The following TECPR1 variants were observed in gnomAD, a reference collection of about 807,000 sequenced individuals.
The protein encoded by TECPR1 is tectonin beta-propeller repeat containing 1, also known as tectonin beta-propeller repeat-containing protein 1.
A neutral mutation model predicts 162.4 loss-of-function variants in TECPR1; 122 were observed. The observed-to-expected ratio is 0.75, with a 90% confidence interval of 0.65 to 0.87. TECPR1 has a LOEUF of 0.87. Among genes scored for constraint, TECPR1 ranks in the 40% least tolerant of loss-of-function variants. The pLI, the probability that TECPR1 is intolerant of heterozygous loss-of-function variation, is 0.00. For missense variants in TECPR1, 1,432 were observed against 1,618.2 expected (o/e 0.88, Z 1.97); for synonymous variants, 642 against 670.6 (o/e 0.96, Z 0.66).
chr7:98,249,911 C>T (rs1202681086), intron 2 of TECPR1, among the ~76,000 whole-genome samples: 2 of 151,328 alleles, frequency 1.3e-5, no homozygotes, highest in Non-Finnish European at 2.9e-5. Context: ...CAGCAAGACT[C>T]CATCTCAAAA....
intron 16 of TECPR1, 58 bp downstream of exon 16, chr7:98,228,981 G>T: frequency 6.4e-7 from 1 of 1,561,068 alleles, no homozygotes; most frequent in East Asian, 2.3e-5. Flanking sequence ...GAACCCAGAC[G>T]GGGACTAGAG....
At position 98,240,220 on chromosome 7, in the gene TECPR1, C is replaced by A. The variant is rs903806523; in HGVS notation, c.933+631G>T. On this transcript the variant is annotated intron_variant, in intron 8 of 25. Coordinates refer to ENST00000447648, the MANE Select transcript of TECPR1 (RefSeq NM_015395.3). ...AAGCAGTGACTAGAGGATGGGGAGG[C>A]GCTTGGTTAATCAAGGGCTTCAGGA... is the stretch of plus-strand genomic sequence containing the variant. Among the ~76,000 whole-genome samples the A allele has an allele frequency of 3.3e-5, 5 of 152,078 alleles. No homozygotes were observed. In the East Asian group the frequency reaches 9.6e-4, roughly 29 times the overall value.
chr7:98,245,795 A>C, intron 3 of TECPR1, 127 bp downstream of exon 3: 1 of 874,784 alleles, frequency 1.1e-6, no homozygotes, highest in Non-Finnish European at 1.8e-6. Context: ...TTTAAGTACA[A>C]GGAAGGAAAT....
rs771930788 is a variant in TECPR1 at position 98,229,021 on chromosome 7, G to C, written c.2410+18C>G. On this transcript the variant is annotated intron_variant, in intron 16 of 25. Coordinates refer to ENST00000447648, the MANE Select transcript of TECPR1 (RefSeq NM_015395.3). The stretch of plus-strand genomic sequence containing the variant: ...GAACGCCCAGGAAGGCTCCGGGGGG[G>C]CTGTGGGCCGCCCTCACCTTGGAAG... 1.1e-4 allele frequency: 175 copies of C among 1,597,920 alleles called. No homozygotes were observed. The highest frequency in any genetic ancestry group is 1.5e-4 in the Non-Finnish European group (172 of 1,172,144).
intron 11 of TECPR1, 195 bp downstream of exon 11, chr7:98,233,220 TTCCAGG>T (rs904788431): frequency 1.3e-5 from 11 of 839,342 alleles, no homozygotes; most frequent in African/African-American, 3.5e-5. Flanking sequence ...GCCACCGTGC[TTCCAGG>T]TCCTGACAGC....
At position 98,217,727 on chromosome 7, in the gene TECPR1, C is replaced by T. The variant is rs376435004; in HGVS notation, c.3349G>A (p.Glu1117Lys). 2.1e-5 allele frequency: 33 copies of T among 1,549,586 alleles called. No individual in the cohort carries two copies. The African/African-American group carries it at 2.5e-4, about 12-fold the overall frequency. Residue 1117 changes from glutamate (E) to lysine (K), a missense_variant, in exon 25 of 26, where the codon GAG becomes AAG. Physicochemically the swap from Glu to Lys is moderately conservative, Grantham distance 56. Transcript: ENST00000447648. ...VCHRTGVQPH[E>K]PKGHGWDYGI... is the part of the protein sequence containing the mutation. ...TAGTCCCAGCCGTGGCCCTTGGGCT[C>T]GTGAGGCTGCACGCCGGTGCGATGA...
Position 98,215,299 on chromosome 7 carries a change from G to A in TECPR1, c.*2091C>T, listed in dbSNP as rs543631836. The A allele has an allele frequency of 1.3e-5, 2 of 152,264 alleles. No homozygotes were observed. The highest frequency in any genetic ancestry group is 1.3e-4 in the Admixed American group (2 of 15,282). The allele number at this position is 152,264 out of a possible 1,614,324, so 9.4% of individuals were successfully genotyped here. The stretch of plus-strand genomic sequence containing the variant: ...CATCTGGGAAAACCCAGCTGGAGCC[G>A]AACGGCCCGTGCCCCCACTGTAATT... On this transcript the variant is annotated 3_prime_UTR_variant, in exon 26 of 26. Transcript: ENST00000447648.
In TECPR1 at chr7:98,217,331, G is replaced by T; in HGVS notation, c.*59C>A. On this transcript the variant is annotated 3_prime_UTR_variant, in exon 26 of 26. Coordinates refer to ENST00000447648, the MANE Select transcript of TECPR1 (RefSeq NM_015395.3). ...CGGTGCACACTCCAGCACAAGAATG[G>T]CTCAGCCTTGATCCCCCAAACTGGG... 8.8e-7 allele frequency: 1 copy of T among 1,136,632 alleles called. No homozygotes were observed. The highest frequency in any genetic ancestry group is 2.5e-5 in the East Asian group (1 of 39,920). 70.4% of individuals were successfully genotyped at this position (1,136,632 alleles called of 1,614,324 possible).
chr7:98,249,206 AAGAC>A (rs1798998910), intron 2 of TECPR1, among the ~76,000 whole-genome samples: 1 of 152,146 alleles, frequency 6.6e-6, no homozygotes, highest in Non-Finnish European at 1.5e-5. Context: ...AAACACCAAG[AAGAC>A]AGATTGCAGG....
Position 98,231,122 on chromosome 7 carries a change from G to T in TECPR1, c.2125-4C>A. The T allele has an allele frequency of 6.2e-7, 1 of 1,602,246 alleles. No individual in the cohort carries two copies. The highest frequency in any genetic ancestry group is 8.5e-7 in the Non-Finnish European group (1 of 1,175,964). On this transcript the variant is annotated splice_region_variant and splice_polypyrimidine_tract_variant and intron_variant, in intron 14 of 25. Coordinates refer to ENST00000447648, the MANE Select transcript of TECPR1 (RefSeq NM_015395.3). Reference sequence around the variant, plus strand: ...AAGACAGGCTGAGCAGGGCGAGCTGGTGTGGCACAATGCCGGTCACTGCTG... The same window carrying T: ...AAGACAGGCTGAGCAGGGCGAGCTGTTGTGGCACAATGCCGGTCACTGCTG...
At chr7:98,245,195 A>G in intron 3 of TECPR1, 128 bp from the exon 4 acceptor site, 1 of 1,045,756 alleles carries the variant, frequency 9.6e-7, no homozygotes, top group Non-Finnish European at 1.4e-6. Flanking sequence ...CAGAATAGGA[A>G]GTGAGCAGAG....
chr7:98,233,650 G>A lies in TECPR1; in HGVS notation c.1443C>T (p.Thr481=). 2 of 1,593,908 alleles carry A rather than the reference G, an allele frequency of 1.3e-6. No homozygotes were observed. Among genetic ancestry groups the A allele is most frequent in the Non-Finnish European group, 1.7e-6 (2 of 1,168,540 alleles). The change falls in exon 11 of 26, where the codon ACC becomes ACT. Residue 481 remains threonine (T), a synonymous_variant. Coordinates refer to ENST00000447648, the MANE Select transcript of TECPR1 (RefSeq NM_015395.3). ...TATTGGTCCAGGGCAGCTCGGCCGGGGTGGGGGCCGGGCCGGGGTGCGTGT... is the reference window on the plus strand; with the variant it reads ...TATTGGTCCAGGGCAGCTCGGCCGGAGTGGGGGCCGGGCCGGGGTGCGTGT... ...RPNTHPGPAP[T]PAELPWTNID... is the part of the protein sequence containing the mutation.
chr7:98,248,367 A>G (rs1174569553), intron 2 of TECPR1, among the ~76,000 whole-genome samples: 2 of 152,024 alleles, frequency 1.3e-5, no homozygotes, highest in African/African-American at 4.8e-5. Flanking sequence ...AGTCTGACTT[A>G]AAAACCGGAG....
intron 25 of TECPR1, 45 bp from the exon 26 acceptor site, chr7:98,217,548 G>C: frequency 1.0e-6 from 1 of 996,636 alleles, no homozygotes. Flanking sequence ...GGGACTCGAG[G>C]ATCCTGGAGG....
intron 5 of TECPR1, 69 bp from the exon 6 acceptor site, chr7:98,243,661 C>G: frequency 6.5e-7 from 1 of 1,533,184 alleles, no homozygotes; most frequent in Non-Finnish European, 8.8e-7. Flanking sequence ...ACCCACCTCC[C>G]GCCCGCCTGC....
In TECPR1 at chr7:98,223,001, G is replaced by A; in HGVS notation, c.2917C>T (p.Leu973Phe). The A allele has an allele frequency of 6.2e-7, 1 of 1,611,842 alleles. No individual in the cohort carries two copies. Among genetic ancestry groups the A allele is most frequent in the Non-Finnish European group, 8.5e-7 (1 of 1,179,568 alleles). The change falls in exon 21 of 26, where the codon CTC becomes TTC. Residue 973 changes from leucine to phenylalanine, a missense_variant. Leu to Phe is a conservative substitution (Grantham distance 22). Coordinates refer to ENST00000447648, the MANE Select transcript of TECPR1 (RefSeq NM_015395.3). ...GCCCCGGCACTCACCGCAGGGTTGA[G>A]CTCCGACACGCCCAGGCGGCACAGC... ...DVLCRLGVSE[L>F]NPAGSSWLHV...
chr7:98,248,581 C>CTG, intron 2 of TECPR1, among the ~76,000 whole-genome samples: 1 of 145,982 alleles, frequency 6.9e-6, no homozygotes, highest in African/African-American at 2.6e-5. Context: ...GTGGCTCACA[C>CTG]CTGTAAACCC....
At chr7:98,237,265 T>C (rs1798629076) in intron 9 of TECPR1, among the ~76,000 whole-genome samples, 1 of 152,136 alleles carries the variant, frequency 6.6e-6, no homozygotes, top group African/African-American at 2.4e-5. Context: ...ATGCCCCCAG[T>C]GAACCCAGAG....
chr7:98,238,531 A>C lies in TECPR1; in HGVS notation c.1013T>G (p.Val338Gly), dbSNP rs1190064959. 1 of 1,568,952 alleles carries C rather than the reference A, an allele frequency of 6.4e-7. No individual in the cohort carries two copies. Among genetic ancestry groups the C allele is most frequent in the Admixed American group, 1.9e-5 (1 of 53,162 alleles). ...CACCTGGTCGTTCATTCCCACGTTC[A>C]CCATCGTCATCTCACCAACCATCTC... ...WIEMVGEMTM[V>G]NVGMNDQVWG... Residue 338 changes from valine (V) to glycine (G), a missense_variant, in exon 9 of 26, where the codon GTG becomes GGG. Coordinates refer to ENST00000447648, the MANE Select transcript of TECPR1 (RefSeq NM_015395.3).
Sources: allele counts gnomAD v4.1 joint callset (sites outside exome capture counted in the v4.1 genomes callset), GRCh38; gene constraint gnomAD v4.1.1; transcripts MANE v1.5; gene names NCBI Gene and HGNC (gene_info 2026-07-23, HGNC 2026-07-21).